ATP10A: variants seen among roughly 807,000 people sequenced by gnomAD.
ATP10A encodes the protein ATPase phospholipid transporting 10A (putative), also known as phospholipid-transporting ATPase VA.
A neutral mutation model predicts 147.8 loss-of-function variants in ATP10A; 111 were observed. That is an observed-to-expected ratio of 0.75 (90% CI 0.64 to 0.88). The LOEUF is 0.88. ATP10A is among the 40% of genes least tolerant of loss of function. The probability of loss-of-function intolerance (pLI) is 0.00; values close to 1 mark genes in which losing one functional copy is unlikely to be tolerated. For missense variants in ATP10A, 1,927 were observed against 1,959.0 expected (o/e 0.98, Z 0.31); for synonymous variants, 875 against 841.6 (o/e 1.04, Z -0.69).
chr15:25,819,060 G>A (rs757892194), intron 1 of ATP10A, among the ~76,000 whole-genome samples: 2 of 151,998 alleles, frequency 1.3e-5, no homozygotes, highest in Non-Finnish European at 2.9e-5. Flanking sequence ...CACAAGCAAC[G>A]AAAACAAAAA....
chr15:25,692,883 C>A (rs1454517775), intron 14 of ATP10A, among the ~76,000 whole-genome samples: 1 of 152,158 alleles, frequency 6.6e-6, no homozygotes, highest in African/African-American at 2.4e-5. Context: ...TCACTGCAGC[C>A]TCAACCTCCT....
intron 1 of ATP10A, among the ~76,000 whole-genome samples, chr15:25,814,679 A>G (rs2140827732): frequency 6.6e-6 from 1 of 152,352 alleles, no homozygotes; most frequent in African/African-American, 2.4e-5. Context: ...GGTGGGAGTC[A>G]GCTACTTCTA....
At chr15:25,767,762 A>C (rs1019150299) in intron 2 of ATP10A, among the ~76,000 whole-genome samples, 26 of 152,214 alleles carry the variant, frequency 1.7e-4, no homozygotes, top group African/African-American at 6.3e-4. Flanking sequence ...GCCTGTGCTA[A>C]GTGCTGGCAG....
At chr15:25,716,992 T>C (rs1041021356) in intron 8 of ATP10A, 68 bp from the exon 9 acceptor site, 11 of 1,272,124 alleles carry the variant, frequency 8.6e-6, no homozygotes, top group Non-Finnish European at 2.1e-6. Context: ...GGCGTGACTA[T>C]TTAAGGTACT....
intron 4 of ATP10A, among the ~76,000 whole-genome samples, chr15:25,726,822 C>T (rs1184476730): frequency 1.3e-5 from 2 of 150,338 alleles, no homozygotes; most frequent in Non-Finnish European, 3.0e-5. Flanking sequence ...GAGGCCAAGG[C>T]GGGCGGATCA....
chr15:25,738,186 C>G lies in ATP10A; in HGVS notation c.655-2045G>C, dbSNP rs146982369. Among the ~76,000 whole-genome samples the G allele has an allele frequency of 9.4e-3, 1,438 of 152,292 alleles. 19 individuals carry two copies. Among genetic ancestry groups the G allele is most frequent in the Non-Finnish European group, 0.015 (1,021 of 68,034 alleles). The stretch of plus-strand genomic sequence containing the variant: ...GAAATACATTGATTTATCCCTCCAT[C>G]CACTCATGTCTACCCCTGACTCATT... On this transcript the variant is annotated intron_variant, in intron 2 of 20. Transcript: ENST00000555815.
At chr15:25,774,077 A>T (rs2140677066) in intron 2 of ATP10A, among the ~76,000 whole-genome samples, 1 of 152,306 alleles carries the variant, frequency 6.6e-6, no homozygotes, top group African/African-American at 2.4e-5. Context: ...GTTAAAGAGA[A>T]AAAAAGCATT....
chr15:25,819,154 G>A (rs1247508962), intron 1 of ATP10A, among the ~76,000 whole-genome samples: 1 of 152,176 alleles, frequency 6.6e-6, no homozygotes, highest in Non-Finnish European at 1.5e-5. Flanking sequence ...TGCAGAATAA[G>A]AGAAGACATT....
At chr15:25,826,101 A>G (rs1892101654) in intron 1 of ATP10A, among the ~76,000 whole-genome samples, 1 of 152,224 alleles carries the variant, frequency 6.6e-6, no homozygotes, top group African/African-American at 2.4e-5. Context: ...CAAACTTGAG[A>G]ATAGGTCAAT....
intron 2 of ATP10A, among the ~76,000 whole-genome samples, chr15:25,774,245 C>T (rs916066633): frequency 6.6e-6 from 1 of 152,044 alleles, no homozygotes; most frequent in Non-Finnish European, 1.5e-5. Context: ...TCAGACTAGC[C>T]AAATTATTAT....
upstream of ATP10A, chr15:25,863,866 T>C (rs1893887716): frequency 6.6e-6 from 1 of 152,344 alleles, no homozygotes; most frequent in East Asian, 1.9e-4. Context: ...ATTCCGTTGT[T>C]GGGCGAACTA....
chr15:25,833,995 A>C (rs1405723417), intron 1 of ATP10A, among the ~76,000 whole-genome samples: 3 of 152,148 alleles, frequency 2.0e-5, no homozygotes, highest in Non-Finnish European at 2.9e-5. Flanking sequence ...AAACAAAAAA[A>C]AAACAAACTA....
At chr15:25,717,909 T>G (rs939608125) in intron 8 of ATP10A, among the ~76,000 whole-genome samples, 6 of 152,148 alleles carry the variant, frequency 3.9e-5, no homozygotes, top group African/African-American at 1.4e-4. Context: ...TTTGCTTCAT[T>G]TGGCAGCACG....
chr15:25,747,622 T>C (rs1400097191), intron 2 of ATP10A, among the ~76,000 whole-genome samples: 1 of 152,086 alleles, frequency 6.6e-6, no homozygotes, highest in East Asian at 1.9e-4. Context: ...GCTAATAAAT[T>C]TGAAAATTTA....
intron 13 of ATP10A, among the ~76,000 whole-genome samples, chr15:25,700,871 G>C (rs1024949255): frequency 5.3e-5 from 8 of 152,020 alleles, no homozygotes; most frequent in African/African-American, 1.9e-4. Flanking sequence ...GCAATGACCA[G>C]GTCATCAGGT....
At position 25,706,522 on chromosome 15, in the gene ATP10A, C is replaced by T. The variant is rs1055492467; in HGVS notation, c.2575+1454G>A. Among the ~76,000 whole-genome samples the T allele has an allele frequency of 3.9e-5, 6 of 152,162 alleles. 1 individual carries two copies. The highest frequency in any genetic ancestry group is 3.3e-4 in the Admixed American group (5 of 15,272). ...GTCCGATCAGCCTGCATGACCAGCC[C>T]GCATGACCAGCTTGCAGTGGCAGAG... On this transcript the variant is annotated intron_variant, in intron 12 of 20. Coordinates refer to ENST00000555815, the MANE Select transcript of ATP10A (RefSeq NM_024490.4).
At chr15:25,729,027 G>A (rs75460268) in intron 3 of ATP10A, among the ~76,000 whole-genome samples, 2,565 of 152,270 alleles carry the variant, frequency 0.017, 27 homozygotes, top group Middle Eastern at 0.027. Context: ...ACACAGGTAC[G>A]AGGCTCAACT....
chr15:25,676,229 CAG>C (rs1899133548), downstream of ATP10A, among the ~76,000 whole-genome samples: 4 of 152,262 alleles, frequency 2.6e-5, no homozygotes, highest in South Asian at 8.3e-4. Flanking sequence ...ACCGAAGGCA[CAG>C]ATACGATGAG....
Position 25,757,870 on chromosome 15 carries a change from GACCACCTGCTCCACCCTAACTCATTCCT to G in ATP10A, c.655-21757_655-21730del, listed in dbSNP as rs1567360629. On this transcript the variant is annotated intron_variant, in intron 2 of 20. Transcript: ENST00000555815. ...CACCTGCTCCACCCTAACTCATTCC[GACCACCTGCTCCACCCTAACTCATTCCT>G]ATCACCTGCTCCACCCTAACTCATT... is the stretch of plus-strand genomic sequence containing the variant. Among the ~76,000 whole-genome samples the G allele has an allele frequency of 5.3e-4, 58 of 109,652 alleles. 1 individual carries two copies. Among genetic ancestry groups the G allele is most frequent in the East Asian group, 1.4e-3 (5 of 3,600 alleles). 71.9% of individuals were successfully genotyped at this position (109,652 alleles called of 152,430 possible).
Sources: gnomAD v4.1 joint callset for allele counts (sites outside exome capture counted in the v4.1 genomes callset) on GRCh38, gnomAD v4.1.1 for gene constraint, MANE v1.5 for transcripts, NCBI Gene and HGNC (gene_info 2026-07-23, HGNC 2026-07-21) for gene names.